Variants in GNG7 observed in about 807,000 individuals in gnomAD.
The protein encoded by GNG7 is G protein subunit gamma 7.
Under a neutral mutation model 4.0 loss-of-function variants are expected in GNG7, and 1 was observed. The observed-to-expected ratio is 0.25, with a 90% CI of 0.09 to 1.18. The LOEUF (loss-of-function observed/expected upper bound fraction) is 1.18, where lower values mean the gene tolerates loss of function less well. GNG7 is among the 50% of genes most tolerant of loss of function. The pLI, the probability that GNG7 is intolerant of heterozygous loss-of-function variation, is 0.50. For synonymous variants in GNG7, 34 were observed against 36.9 expected, an observed-to-expected ratio of 0.92 and a Z score of 0.29; for missense variants, 86 against 91.9, an observed-to-expected ratio of 0.94 and a Z score of 0.26.
intron 3 of GNG7, among the ~76,000 whole-genome samples, chr19:2,524,255 G>A (rs779339443): frequency 2.6e-5 from 4 of 152,218 alleles, no homozygotes; most frequent in Admixed American, 6.5e-5. Context: ...TGTTTTGGGC[G>A]AAATTCCCTG....
chr19:2,555,605 C>A (rs1334146934), intron 2 of GNG7, among the ~76,000 whole-genome samples: 1 of 152,118 alleles, frequency 6.6e-6, no homozygotes, highest in Non-Finnish European at 1.5e-5. Flanking sequence ...ATGTAAGCCA[C>A]GTGCCGGGCA....
At chr19:2,631,772 C>G (rs1157615822) in intron 2 of GNG7, among the ~76,000 whole-genome samples, 1 of 152,224 alleles carries the variant, frequency 6.6e-6, no homozygotes, top group African/African-American at 2.4e-5. Flanking sequence ...GCCAATAAAA[C>G]TTTATTTATA....
intron 1 of GNG7, among the ~76,000 whole-genome samples, chr19:2,694,228 CT>C (rs1007367379): frequency 4.2e-5 from 6 of 143,676 alleles, no homozygotes; most frequent in South Asian, 4.4e-4. Context: ...TTTTTTGTTG[CT>C]TTTTTTTGGG....
intron 2 of GNG7, among the ~76,000 whole-genome samples, chr19:2,645,243 C>CT (rs10674864): frequency 0.057 from 7,776 of 135,416 alleles, 337 homozygotes; most frequent in Admixed American, 0.13. Flanking sequence ...CTCTCTCTCT[C>CT]TTTTTTTTTT....
chr19:2,583,718 GC>G (rs374898043), intron 2 of GNG7, among the ~76,000 whole-genome samples: 19 of 152,264 alleles, frequency 1.2e-4, no homozygotes, highest in Middle Eastern at 3.4e-3. Flanking sequence ...CCTCCCTTGA[GC>G]CCAAGAGTCC....
At chr19:2,547,900 G>A (rs2144753903) in intron 3 of GNG7, among the ~76,000 whole-genome samples, 1 of 152,316 alleles carries the variant, frequency 6.6e-6, no homozygotes, top group South Asian at 2.1e-4. Flanking sequence ...ACGTGGCCTG[G>A]TAGGCCCACC....
chr19:2,701,999 A>G (rs1316827024), intron 1 of GNG7, among the ~76,000 whole-genome samples: 1 of 134,172 alleles, frequency 7.5e-6, no homozygotes, highest in Admixed American at 7.6e-5. Flanking sequence ...TCCCCAGCAA[A>G]CTCAAGACCT....
At chr19:2,525,463 C>T (rs1464708294) in intron 3 of GNG7, among the ~76,000 whole-genome samples, 1 of 141,308 alleles carries the variant, frequency 7.1e-6, no homozygotes, top group African/African-American at 2.7e-5. Context: ...CCCACTCGCG[C>T]CTGAAAGTCA....
intron 3 of GNG7, among the ~76,000 whole-genome samples, chr19:2,551,746 C>T (rs1026660965): frequency 8.0e-5 from 12 of 149,924 alleles, no homozygotes; most frequent in African/African-American, 2.5e-4. Flanking sequence ...TGCAACGGCA[C>T]GATCTCAGCT....
chr19:2,553,883 C>A (rs1483488567), intron 3 of GNG7, among the ~76,000 whole-genome samples: 1 of 144,368 alleles, frequency 6.9e-6, no homozygotes, highest in African/African-American at 2.6e-5. Flanking sequence ...CATACATGTA[C>A]ATATTCTATG....
At chr19:2,554,362 G>A (rs1979480594) in intron 3 of GNG7, among the ~76,000 whole-genome samples, 1 of 147,980 alleles carries the variant, frequency 6.8e-6, no homozygotes, top group Admixed American at 6.8e-5. Context: ...TATTTTTTAA[G>A]AGACCGGGTC....
At chr19:2,662,754 C>T (rs888904502) in intron 1 of GNG7, among the ~76,000 whole-genome samples, 2 of 152,062 alleles carry the variant, frequency 1.3e-5, no homozygotes, top group Admixed American at 6.6e-5. Context: ...CATGACTGAT[C>T]GCGTCACTGG....
At chr19:2,696,348 A>AAG (rs993420470) in intron 1 of GNG7, among the ~76,000 whole-genome samples, 2 of 121,404 alleles carry the variant, frequency 1.6e-5, no homozygotes, top group African/African-American at 6.5e-5. Context: ...GAAAGAAAGA[A>AAG]AAGAAAGAAA....
intron 3 of GNG7, among the ~76,000 whole-genome samples, chr19:2,524,267 G>C (rs551719948): frequency 6.6e-6 from 1 of 152,362 alleles, no homozygotes; most frequent in South Asian, 2.1e-4. Context: ...AATTCCCTGC[G>C]AGATGCTGCC....
intron 3 of GNG7, among the ~76,000 whole-genome samples, chr19:2,521,351 G>C (rs566511503): frequency 1.3e-5 from 2 of 152,290 alleles, no homozygotes; most frequent in Non-Finnish European, 2.9e-5. Flanking sequence ...GCAGGCTCCC[G>C]GGTGGCCTGC....
intron 1 of GNG7, among the ~76,000 whole-genome samples, chr19:2,656,189 G>T (rs1982969363): frequency 6.6e-6 from 1 of 152,188 alleles, no homozygotes; most frequent in Admixed American, 6.5e-5. Context: ...ACCACCATAT[G>T]ATCCAGTAAT....
Position 2,514,674 on chromosome 19 carries a change from G to A in GNG7, c.*348C>T, listed in dbSNP as rs999416213. 5.6e-5 allele frequency: 10 copies of A among 177,416 alleles called. No homozygotes were observed. The highest frequency in any genetic ancestry group is 2.4e-5 in the Non-Finnish European group (2 of 83,316). 11.0% of individuals were successfully genotyped at this position (177,416 alleles called of 1,614,324 possible). A position where few individuals can be genotyped will look rare whatever the true frequency, so the allele number is the denominator to read the frequency against. On this transcript the variant is annotated 3_prime_UTR_variant, in exon 5 of 5. Coordinates refer to ENST00000382159, the MANE Select transcript of GNG7 (RefSeq NM_052847.3). ...CTCGGCGCCGGTCCACAATTGAAACGGCAATCGAGAGTTTTAAAAAATTGT... is the reference window on the plus strand; with the variant it reads ...CTCGGCGCCGGTCCACAATTGAAACAGCAATCGAGAGTTTTAAAAAATTGT...
chr19:2,587,655 T>C (rs1292690357), intron 2 of GNG7, among the ~76,000 whole-genome samples: 1 of 151,894 alleles, frequency 6.6e-6, no homozygotes, highest in Non-Finnish European at 1.5e-5. Context: ...CACAAAAAGC[T>C]GTAACTCGAG....
At chr19:2,553,612 A>G (rs979069029) in intron 3 of GNG7, among the ~76,000 whole-genome samples, 7 of 148,730 alleles carry the variant, frequency 4.7e-5, no homozygotes, top group African/African-American at 1.2e-4. Flanking sequence ...AATATATCAT[A>G]CTACATACAT....
Sources: allele counts gnomAD v4.1 joint callset (sites outside exome capture counted in the v4.1 genomes callset), GRCh38; gene constraint gnomAD v4.1.1; transcripts MANE v1.5; gene names NCBI Gene and HGNC (gene_info 2026-07-23, HGNC 2026-07-21).